Variants in ABCA4 observed in about 807,000 individuals in gnomAD.
ABCA4 encodes the protein ATP binding cassette subfamily A member 4.
Under a neutral mutation model 263.7 loss-of-function variants are expected in ABCA4, and 196 were observed. That is an observed-to-expected ratio of 0.74 (90% CI 0.66 to 0.84). ABCA4 has a LOEUF of 0.84. ABCA4 is among the 40% of genes least tolerant of loss of function. ABCA4 has a pLI of 0.00. For missense variants in ABCA4, 2,792 were observed against 2,855.1 expected (o/e 0.98, Z 0.50); for synonymous variants, 1,133 against 1,094.2 (o/e 1.04, Z -0.70).
chr1:94,011,478 C>T, intron 38 of ABCA4, 93 bp from the exon 39 acceptor site: 4 of 1,591,492 alleles, frequency 2.5e-6, no homozygotes, highest in Non-Finnish European at 3.4e-6. Flanking sequence ...CAGGACAGCA[C>T]AGGGCAAGGC....
At chr1:94,010,763 G>A (rs547731981) in intron 40 of ABCA4, 37 bp downstream of exon 40, 2 of 1,614,062 alleles carry the variant, frequency 1.2e-6, no homozygotes, top group Admixed American at 1.7e-5. Flanking sequence ...TGGATGCCCT[G>A]AGCTGCCCAC....
At chr1:94,028,338 T>C (rs1047391256) in intron 30 of ABCA4, among the ~76,000 whole-genome samples, 1 of 152,206 alleles carries the variant, frequency 6.6e-6, no homozygotes, top group Non-Finnish European at 1.5e-5. Flanking sequence ...CCCCAGGAGA[T>C]GCTCACTGTA....
chr1:94,033,439 A>G lies in ABCA4; in HGVS notation c.3863-1396T>C, dbSNP rs373249617. The stretch of plus-strand genomic sequence containing the variant: ...ACTCTATCTCAAAAAAAAAAAAAAG[A>G]AAAAAAAAAAGAACATTTCACAGGA... On this transcript the variant is annotated intron_variant, in intron 26 of 49. Coordinates refer to ENST00000370225, the MANE Select transcript of ABCA4 (RefSeq NM_000350.3). Among the ~76,000 whole-genome samples, 64 of 138,234 alleles carry G rather than the reference A, an allele frequency of 4.6e-4. 1 individual carries two copies. The South Asian group carries it at 0.011, about 24-fold the overall frequency. 90.7% of individuals were successfully genotyped at this position (138,234 alleles called of 152,430 possible).
intron 2 of ABCA4, 44 bp downstream of exon 2, chr1:94,112,929 C>T (rs1249756227): frequency 6.6e-7 from 1 of 1,509,302 alleles, no homozygotes; most frequent in East Asian, 2.3e-5. Flanking sequence ...AGGCCCAGAC[C>T]AAAGTCTCTT....
chr1:94,018,901 C>T (rs1427618957), intron 36 of ABCA4, among the ~76,000 whole-genome samples: 5 of 149,728 alleles, frequency 3.3e-5, no homozygotes, highest in Non-Finnish European at 5.9e-5. Flanking sequence ...TTCCCTGTAG[C>T]GGTGGTTAAT....
chr1:94,053,744 T>C (rs1660900222), intron 16 of ABCA4, among the ~76,000 whole-genome samples: 1 of 152,238 alleles, frequency 6.6e-6, no homozygotes, highest in Admixed American at 6.5e-5. Flanking sequence ...AGCTGTGAGA[T>C]ATAAATGGCT....
intron 21 of ABCA4, 60 bp from the exon 22 acceptor site, chr1:94,042,958 C>T: frequency 6.2e-7 from 1 of 1,609,840 alleles, no homozygotes; most frequent in Non-Finnish European, 8.5e-7. Flanking sequence ...AAGAGAAAGG[C>T]CCAGGGCAAG....
intron 1 of ABCA4, among the ~76,000 whole-genome samples, chr1:94,114,796 C>T (rs901071103): frequency 3.9e-5 from 6 of 152,162 alleles, no homozygotes; most frequent in Admixed American, 6.5e-5. Flanking sequence ...CCTGGACTTC[C>T]GCTTCTTAAC....
chr1:94,083,320 G>T (rs1433415474), intron 7 of ABCA4, 32 bp downstream of exon 7: 6 of 1,503,256 alleles, frequency 4.0e-6, no homozygotes, highest in Non-Finnish European at 5.5e-6. Context: ...AAGACATAAT[G>T]AAATTATAAT....
Position 94,051,633 on chromosome 1 carries a change from C to T in ABCA4, c.2653G>A (p.Gly885Arg). ...AAGATTTGTGTTTTAAAGGACTCAC[C>T]TTCACCGCCAAGCCAATACGACTCT... Reference protein sequence around the residue: ...LQESYWLGGEGCSTREERALE... With the variant: ...LQESYWLGGERCSTREERALE... Residue 885 changes from glycine to arginine, a missense_variant and splice_region_variant, in exon 17 of 50, where the codon GGG (glycine) becomes AGG (arginine). By Grantham distance (125) the Gly-to-Arg change is moderately radical (BLOSUM62 -2). Coordinates refer to ENST00000370225, the MANE Select transcript of ABCA4 (RefSeq NM_000350.3). 1 of 1,613,328 alleles carries T rather than the reference C, an allele frequency of 6.2e-7. No individual in the cohort carries two copies. Among genetic ancestry groups the T allele is most frequent in the Non-Finnish European group, 8.5e-7 (1 of 1,179,262 alleles).
intron 36 of ABCA4, among the ~76,000 whole-genome samples, chr1:94,016,507 C>T (rs1023191530): frequency 6.6e-6 from 1 of 152,128 alleles, no homozygotes; most frequent in African/African-American, 2.4e-5. Flanking sequence ...GAGAGGACGG[C>T]ATCCACATGG....
Position 94,063,189 on chromosome 1 carries a change from G to A in ABCA4, c.1683C>T (p.Ser561=). ...TATACTTCACGTGGGGTGGTAGAGA[G>A]CTGGTCCAGGGATACATGTCAGGGA... ...VVFPDMYPWT[S]SLPPHVKYKI... The change falls in exon 12 of 50, where the codon AGC becomes AGT. Residue 561 remains serine (S), a synonymous_variant. Coordinates refer to ENST00000370225, the MANE Select transcript of ABCA4 (RefSeq NM_000350.3). The A allele has an allele frequency of 1.9e-6, 3 of 1,614,140 alleles. No individual in the cohort carries two copies. The highest frequency in any genetic ancestry group is 2.5e-6 in the Non-Finnish European group (3 of 1,180,018).
rs1029180197 is a variant in ABCA4, at chr1:94,037,128, T to C, written c.3813+17A>G. On this transcript the variant is annotated intron_variant, in intron 25 of 49. Transcript: ENST00000370225. Reference sequence around the variant, plus strand: ...CTTCTGGCACTTGACAGAAACCAGCTGGAATCTCTACTTTACCTCTTCCAG... The same window carrying C: ...CTTCTGGCACTTGACAGAAACCAGCCGGAATCTCTACTTTACCTCTTCCAG... The C allele has an allele frequency of 6.2e-7, 1 of 1,613,168 alleles. No individual in the cohort carries two copies. The highest frequency in any genetic ancestry group is 8.5e-7 in the Non-Finnish European group (1 of 1,179,336).
intron 11 of ABCA4, among the ~76,000 whole-genome samples, chr1:94,074,776 C>G (rs567687840): frequency 6.6e-6 from 1 of 152,174 alleles, no homozygotes; most frequent in Non-Finnish European, 1.5e-5. Context: ...TGTGATTCCT[C>G]AAGGATCTAG....
chr1:94,062,464 C>G, intron 13 of ABCA4, 113 bp downstream of exon 13: 3 of 1,357,710 alleles, frequency 2.2e-6, no homozygotes, highest in Non-Finnish European at 2.1e-6. Context: ...GCTCTGGTCC[C>G]TGGGGCTCTC....
intron 24 of ABCA4, among the ~76,000 whole-genome samples, chr1:94,039,673 C>T (rs912733596): frequency 2.0e-5 from 3 of 152,186 alleles, no homozygotes; most frequent in Non-Finnish European, 2.9e-5. Context: ...AAGAGCCGTG[C>T]ATCACCATGC....
rs528681605 is a variant in ABCA4, at chr1:94,012,386, C to T, written c.5461-1001G>A. Among the ~76,000 whole-genome samples, 7 of 152,324 alleles carry T rather than the reference C, an allele frequency of 4.6e-5. No homozygotes were observed. In the South Asian group the frequency reaches 1.5e-3, roughly 32 times the overall value. ...AGACAGCTGGCTCAGAGAGTGCCTT[C>T]CCTTACAAGCCTTCCAAGATTCCCA... On this transcript the variant is annotated intron_variant, in intron 38 of 49. Coordinates refer to ENST00000370225, the MANE Select transcript of ABCA4 (RefSeq NM_000350.3).
intron 13 of ABCA4, chr1:94,061,400 T>A (rs1044012169): frequency 7.0e-5 from 11 of 156,138 alleles, no homozygotes; most frequent in African/African-American, 2.7e-4. Context: ...ACAGGATAGA[T>A]TTGATACACT....
At chr1:94,072,329 G>T (rs1189175402) in intron 11 of ABCA4, among the ~76,000 whole-genome samples, 1 of 152,194 alleles carries the variant, frequency 6.6e-6, no homozygotes, top group Non-Finnish European at 1.5e-5. Context: ...TTTATGCCTT[G>T]ATCAGAGGTA....
Sources: gnomAD v4.1 joint callset for allele counts (sites outside exome capture counted in the v4.1 genomes callset) on GRCh38, gnomAD v4.1.1 for gene constraint, MANE v1.5 for transcripts, NCBI Gene and HGNC (gene_info 2026-07-23, HGNC 2026-07-21) for gene names.